SCNN1B: variants seen among roughly 807,000 people sequenced by gnomAD.
SCNN1B encodes the protein epithelial sodium channel subunit beta.
In SCNN1B, 46 loss-of-function variants were observed where a neutral mutation model predicts 65.3. The observed-to-expected ratio is 0.70, with a 90% CI of 0.56 to 0.90. The LOEUF is 0.90. Ranked by LOEUF, SCNN1B falls within the 40% of genes least tolerant of loss-of-function variation. The pLI, the probability that SCNN1B is intolerant of heterozygous loss-of-function variation, is 0.00. For synonymous variants in SCNN1B, 349 were observed against 330.6 expected (o/e 1.06, Z -0.60); for missense variants, 751 against 830.5 (o/e 0.90, Z 1.18).
intron 11 of SCNN1B, among the ~76,000 whole-genome samples, chr16:23,379,684 C>T (rs72654347): frequency 6.6e-6 from 1 of 152,170 alleles, no homozygotes; most frequent in Non-Finnish European, 1.5e-5. Flanking sequence ...ATAGCCCAGG[C>T]CACCCTGATG....
intron 4 of SCNN1B, among the ~76,000 whole-genome samples, chr16:23,364,505 C>T (rs1412987844): frequency 6.6e-6 from 1 of 152,128 alleles, no homozygotes; most frequent in Non-Finnish European, 1.5e-5. Context: ...GACAAGAAGC[C>T]TTTGGAGGGT....
chr16:23,323,946 T>A (rs1961639750), intron 1 of SCNN1B, among the ~76,000 whole-genome samples: 18 of 152,142 alleles, frequency 1.2e-4, no homozygotes, highest in Admixed American at 1.2e-3. Context: ...TCCTTCTTTC[T>A]CCCTAATGAA....
chr16:23,331,412 C>T (rs1213182703), intron 1 of SCNN1B, among the ~76,000 whole-genome samples: 1 of 151,536 alleles, frequency 6.6e-6, no homozygotes. Context: ...ACAACCTCTG[C>T]CTCCTGGGTT....
chr16:23,323,455 C>A, intron 1 of SCNN1B: 2 of 687,978 alleles, frequency 2.9e-6, no homozygotes, highest in Non-Finnish European at 2.6e-6. Context: ...AGGCACTGAT[C>A]TCTCTCCATG....
At chr16:23,353,828 T>G (rs1369901182) in intron 3 of SCNN1B, among the ~76,000 whole-genome samples, 3 of 152,194 alleles carry the variant, frequency 2.0e-5, no homozygotes, top group African/African-American at 7.2e-5. Flanking sequence ...ATGCCATTAG[T>G]TCTTAAGCCT....
intron 1 of SCNN1B, among the ~76,000 whole-genome samples, chr16:23,339,685 C>T (rs984047640): frequency 1.3e-5 from 2 of 152,016 alleles, no homozygotes; most frequent in Non-Finnish European, 2.9e-5. Flanking sequence ...CCTGTCTCAG[C>T]CTCCCAAGTA....
intron 1 of SCNN1B, among the ~76,000 whole-genome samples, chr16:23,312,217 A>C (rs1352303014): frequency 6.6e-6 from 1 of 152,032 alleles, no homozygotes; most frequent in Non-Finnish European, 1.5e-5. Flanking sequence ...GAATCCTCCC[A>C]CCTCGAGCTC....
intron 10 of SCNN1B, among the ~76,000 whole-genome samples, chr16:23,377,887 G>A (rs1031244512): frequency 6.6e-6 from 1 of 152,222 alleles, no homozygotes; most frequent in Admixed American, 6.5e-5. Flanking sequence ...CCTTTTAATA[G>A]GAGAGGGCCA....
intron 4 of SCNN1B, among the ~76,000 whole-genome samples, chr16:23,364,358 C>A (rs904165321): frequency 2.0e-5 from 3 of 152,094 alleles, no homozygotes; most frequent in Non-Finnish European, 4.4e-5. Context: ...ATCTGAAGAG[C>A]TGGTTAGAGA....
chr16:23,301,169 G>A (rs1415698712), upstream of SCNN1B, among the ~76,000 whole-genome samples: 1 of 151,970 alleles, frequency 6.6e-6, no homozygotes, highest in Non-Finnish European at 1.5e-5. Flanking sequence ...TTCCAGACCA[G>A]CCTGGCCAAT....
At chr16:23,304,912 T>C (rs1038564705) in intron 1 of SCNN1B, among the ~76,000 whole-genome samples, 2 of 152,054 alleles carry the variant, frequency 1.3e-5, no homozygotes, top group Non-Finnish European at 2.9e-5. Flanking sequence ...GTGATGTAAA[T>C]AAAATGCTTA....
At chr16:23,292,746 C>T (rs1394597151) in intron 2 of SCNN1B, among the ~76,000 whole-genome samples, 10 of 151,520 alleles carry the variant, frequency 6.6e-5, no homozygotes, top group African/African-American at 2.4e-4. Flanking sequence ...TCAAGTGATC[C>T]GCCCACCTCG....
At chr16:23,323,799 C>A (rs187466385) in intron 1 of SCNN1B, among the ~76,000 whole-genome samples, 1 of 152,282 alleles carries the variant, frequency 6.6e-6, no homozygotes, top group Non-Finnish European at 1.5e-5. Flanking sequence ...AGGAGCATGA[C>A]ATAGACAGCT....
intron 7 of SCNN1B, among the ~76,000 whole-genome samples, chr16:23,373,617 C>A (rs1250303168): frequency 6.6e-6 from 1 of 152,160 alleles, no homozygotes; most frequent in Non-Finnish European, 1.5e-5. Context: ...GTCTGCCTTG[C>A]CATATCAGTG....
At chr16:23,300,219 A>C (rs1343988925), upstream of SCNN1B, among the ~76,000 whole-genome samples, 1 of 152,192 alleles carries the variant, frequency 6.6e-6, no homozygotes, top group Non-Finnish European at 1.5e-5. Flanking sequence ...GACGGAGAGC[A>C]TTAGGAGAAA....
At position 23,380,441 on chromosome 16, in the gene SCNN1B, T is replaced by A. The variant is rs1489941536; in HGVS notation, c.1563T>A (p.Asn521Lys). Reference protein sequence around the residue: ...AANNIVWLLSNLGGQFGFWMG... With the variant: ...AANNIVWLLSKLGGQFGFWMG... ...CACAGATCGTCTGGCTGCTCTCGAA[T>A]CTGGGTGGCCAGTTTGGCTTCTGGA... Residue 521 changes from asparagine to lysine, a missense_variant, in exon 13 of 13, where the codon AAT becomes AAA. Transcript: ENST00000343070. This position sits in a 1 kb window ranked among gnomAD's most constrained non-coding sequence, Gnocchi z 5.4. 6.2e-7 allele frequency: 1 copy of A among 1,614,214 alleles called. No individual in the cohort carries two copies. The highest frequency in any genetic ancestry group is 2.2e-5 in the East Asian group (1 of 44,880).
In SCNN1B at chr16:23,353,084, C is replaced by T. The variant is rs755418936; in HGVS notation, c.585+10C>T. 3.7e-6 allele frequency: 6 copies of T among 1,613,910 alleles called. No homozygotes were observed. In the East Asian group the frequency reaches 1.1e-4, roughly 30 times the overall value. ...AATGGCCATGAGACTAGTAAGTGGT[C>T]CCTGGGCACATATCAAGCAATGGGC... is the stretch of plus-strand genomic sequence containing the variant. On this transcript the variant is annotated intron_variant, in intron 3 of 12. Coordinates refer to ENST00000343070, the MANE Select transcript of SCNN1B (RefSeq NM_000336.3).
intron 1 of SCNN1B, among the ~76,000 whole-genome samples, chr16:23,313,898 T>C (rs1017914736): frequency 2.0e-5 from 3 of 152,172 alleles, no homozygotes; most frequent in Non-Finnish European, 2.9e-5. Context: ...ACATGAGCCA[T>C]GCACCCGGCC....
intron 2 of SCNN1B, among the ~76,000 whole-genome samples, chr16:23,286,232 G>A (rs1249084793): frequency 6.6e-6 from 1 of 152,170 alleles, no homozygotes; most frequent in Non-Finnish European, 1.5e-5. Flanking sequence ...AGGAATGAGA[G>A]CATTAGAACT....
Sources: allele counts gnomAD v4.1 joint callset (sites outside exome capture counted in the v4.1 genomes callset), GRCh38; gene constraint gnomAD v4.1.1; non-coding constraint Gnocchi (gnomAD v3.1); transcripts MANE v1.5; gene names NCBI Gene and HGNC (gene_info 2026-07-23, HGNC 2026-07-21).